The following EIF2AK3 variants were observed in gnomAD, a reference collection of about 807,000 sequenced individuals.
EIF2AK3 encodes eukaryotic translation initiation factor 2-alpha kinase 3.
In EIF2AK3, 50 loss-of-function variants were observed where a neutral mutation model predicts 113.5. The observed-to-expected ratio is 0.44, with a 90% CI of 0.35 to 0.56. The LOEUF is 0.56. EIF2AK3 is among the 20% of genes least tolerant of loss of function. EIF2AK3 has a pLI of 0.00. For missense variants in EIF2AK3, 1,185 were observed against 1,378.0 expected (o/e 0.86, Z 2.22); for synonymous variants, 448 against 495.4 (o/e 0.90, Z 1.27).
chr2:88,575,096 A>G lies in EIF2AK3; in HGVS notation c.2387T>C (p.Val796Ala). 1.2e-6 allele frequency: 2 copies of G among 1,614,168 alleles called. No homozygotes were observed. The highest frequency in any genetic ancestry group is 1.7e-6 in the Non-Finnish European group (2 of 1,180,018). Residue 796 changes from valine to alanine, a missense_variant, in exon 13 of 17, where the codon GTA (valine) becomes GCA (alanine). Val to Ala is a moderately conservative substitution (Grantham distance 64). This residue lies in a region of EIF2AK3 where 877 missense variants were observed against 1,024.2 expected (regional missense o/e 0.86). Transcript: ENST00000303236. ...ELCPSEASPY[V>A]RSRERTSSSI... ...AGAGGAGGTTCTCTCCCTTGACCTT[A>G]CATAAGGAGAAGCTTCAGAAGGACA...
At chr2:88,559,272 G>C (rs184193366) in intron 15 of EIF2AK3, among the ~76,000 whole-genome samples, 145 of 152,268 alleles carry the variant, frequency 9.5e-4, no homozygotes, top group African/African-American at 3.3e-3. Context: ...GGTTGCATCT[G>C]TACTGGACAG....
chr2:88,608,530 C>T (rs1675344341), intron 2 of EIF2AK3, among the ~76,000 whole-genome samples: 1 of 152,080 alleles, frequency 6.6e-6, no homozygotes, highest in Non-Finnish European at 1.5e-5. Flanking sequence ...CTACACCAGC[C>T]TTTACAACCA....
intron 13 of EIF2AK3, among the ~76,000 whole-genome samples, chr2:88,573,118 T>G (rs1230513765): frequency 6.6e-6 from 1 of 152,020 alleles, no homozygotes; most frequent in Admixed American, 6.5e-5. Context: ...GGCTTTTTTT[T>G]TTTTTTTGGT....
At chr2:88,624,745 C>A (rs1204088177) in intron 1 of EIF2AK3, 1 of 152,296 alleles carries the variant, frequency 6.6e-6, no homozygotes, top group African/African-American at 2.4e-5. Context: ...AAACCCCTTA[C>A]CTTTTCTTCC....
chr2:88,592,484 C>T (rs989425106), intron 4 of EIF2AK3, among the ~76,000 whole-genome samples: 2 of 152,094 alleles, frequency 1.3e-5, no homozygotes, highest in African/African-American at 2.4e-5. Flanking sequence ...TATCATTAGG[C>T]CAGGCACCGT....
chr2:88,562,546 C>A (rs1263034044), intron 14 of EIF2AK3, among the ~76,000 whole-genome samples, 156 bp from the exon 15 acceptor site: 1 of 152,194 alleles, frequency 6.6e-6, no homozygotes, highest in Non-Finnish European at 1.5e-5. Flanking sequence ...TCCCAAGTCT[C>A]TTTTCTTCAC....
chr2:88,566,274 T>C (rs1253490943), intron 14 of EIF2AK3, among the ~76,000 whole-genome samples: 1 of 152,198 alleles, frequency 6.6e-6, no homozygotes, highest in Non-Finnish European at 1.5e-5. Flanking sequence ...AAACTTCCTA[T>C]AGATTTCACT....
chr2:88,592,645 C>G (rs1674916489), intron 4 of EIF2AK3, among the ~76,000 whole-genome samples: 1 of 151,918 alleles, frequency 6.6e-6, no homozygotes, highest in African/African-American at 2.4e-5. Flanking sequence ...TGCCTGTCAT[C>G]CCAGCTACTC....
At chr2:88,606,531 TC>T (rs1301146493) in intron 2 of EIF2AK3, among the ~76,000 whole-genome samples, 1 of 152,198 alleles carries the variant, frequency 6.6e-6, no homozygotes, top group Non-Finnish European at 1.5e-5. Flanking sequence ...CAGCTATGCT[TC>T]AAAATAAACT....
At chr2:88,601,824 T>A (rs1675154054) in intron 2 of EIF2AK3, among the ~76,000 whole-genome samples, 2 of 143,954 alleles carry the variant, frequency 1.4e-5, no homozygotes, top group African/African-American at 5.1e-5. Flanking sequence ...ATTTATTAGT[T>A]AAGATTTTTC....
Position 88,613,810 on chromosome 2 carries a change from A to C in EIF2AK3, c.352T>G (p.Leu118Val). Reference sequence around the variant, plus strand: ...TTTTTACCATGATTTTCAGGATCCAAGGCAGCAATTCTCCCATCTAAAGTG... The same window carrying C: ...TTTTTACCATGATTTTCAGGATCCACGGCAGCAATTCTCCCATCTAAAGTG... ...ISTLDGRIAALDPENHGKKQW... is the reference protein window; with the variant it reads ...ISTLDGRIAAVDPENHGKKQW... The change falls in exon 2 of 17, where the codon TTG becomes GTG. Residue 118 changes from leucine (L) to valine (V), a missense_variant. Leu to Val is a conservative substitution (Grantham distance 32). Around this residue, in one of 3 missense-constraint regions of EIF2AK3, gnomAD observed 189 missense variants for 175.2 expected, o/e 1.08. Coordinates refer to ENST00000303236, the MANE Select transcript of EIF2AK3 (RefSeq NM_004836.7). The C allele has an allele frequency of 6.2e-7, 1 of 1,613,998 alleles. No homozygotes were observed. Among genetic ancestry groups the C allele is most frequent in the Non-Finnish European group, 8.5e-7 (1 of 1,179,836 alleles).
chr2:88,582,104 G>A (rs767154674), intron 10 of EIF2AK3, among the ~76,000 whole-genome samples: 1 of 152,098 alleles, frequency 6.6e-6, no homozygotes, highest in Admixed American at 6.6e-5. Flanking sequence ...CCTTATGTTC[G>A]GCAGGCCTAG....
At chr2:88,583,586 C>A (rs887681290) in intron 9 of EIF2AK3, 44 bp from the exon 10 acceptor site, 3 of 1,343,244 alleles carry the variant, frequency 2.2e-6, no homozygotes, top group African/African-American at 1.4e-5. Context: ...CAAAGCTGAA[C>A]TGAAGTTAGC....
At chr2:88,586,266 T>C (rs1026877833) in intron 8 of EIF2AK3, among the ~76,000 whole-genome samples, 1 of 152,130 alleles carries the variant, frequency 6.6e-6, no homozygotes, top group Admixed American at 6.5e-5. Context: ...CCTATAAGCA[T>C]ATTAAATTTT....
intron 6 of EIF2AK3, 133 bp downstream of exon 6, chr2:88,590,310 A>C: frequency 1.1e-6 from 1 of 905,734 alleles, no homozygotes. Flanking sequence ...TATAAATCTC[A>C]AGGGCAACGT....
chr2:88,622,205 G>T (rs913364159), intron 1 of EIF2AK3, among the ~76,000 whole-genome samples: 1 of 152,068 alleles, frequency 6.6e-6, no homozygotes, highest in Non-Finnish European at 1.5e-5. Context: ...CCCTATGAAA[G>T]ACTTTTAATC....
chr2:88,618,255 G>T (rs548442477), intron 1 of EIF2AK3, among the ~76,000 whole-genome samples: 1 of 152,134 alleles, frequency 6.6e-6, no homozygotes, highest in African/African-American at 2.4e-5. Flanking sequence ...AGAATATAAG[G>T]TTATTTATCT....
chr2:88,606,612 G>A (rs576468286), intron 2 of EIF2AK3, among the ~76,000 whole-genome samples: 104 of 152,248 alleles, frequency 6.8e-4, no homozygotes, highest in African/African-American at 2.4e-3. Context: ...AAACAACTTG[G>A]ACAGCTTTCA....
chr2:88,557,828 C>T lies in EIF2AK3; in HGVS notation c.3259G>A (p.Val1087Met), dbSNP rs1558640744. Residue 1087 changes from valine (V) to methionine (M), a missense_variant, in exon 17 of 17, where the codon GTG becomes ATG. Coordinates refer to ENST00000303236, the MANE Select transcript of EIF2AK3 (RefSeq NM_004836.7). ...FEDLDFPGKT[V>M]LRQRSRSLSS... ...AAGGAGCGAGACCTCTGTCTGAGCA[C>T]TGTTTTTCCTGGAAAGTCCAAGTCC... is the stretch of plus-strand genomic sequence containing the variant. 6.2e-7 allele frequency: 1 copy of T among 1,614,028 alleles called. No homozygotes were observed. Among genetic ancestry groups the T allele is most frequent in the South Asian group, 1.1e-5 (1 of 91,088 alleles).
Sources: gnomAD v4.1 joint callset for allele counts (sites outside exome capture counted in the v4.1 genomes callset) on GRCh38, gnomAD v4.1.1 for gene constraint, gnomAD v4.1.1 regional missense constraint, MANE v1.5 for transcripts, NCBI Gene and HGNC (gene_info 2026-07-23, HGNC 2026-07-21) for gene names.